Variants in TENM1 observed in about 807,000 individuals in gnomAD.
TENM1 encodes teneurin transmembrane protein 1, also known as teneurin-1.
In TENM1, 35 loss-of-function variants were observed where a neutral mutation model predicts 174.8. That is an observed-to-expected ratio of 0.20 (90% CI 0.15 to 0.27). The LOEUF is 0.27. TENM1 is among the 10% of genes least tolerant of loss of function. The pLI, the probability that TENM1 is intolerant of heterozygous loss-of-function variation, is 1.00. For missense variants in TENM1, 1,633 were observed against 2,130.1 expected, an observed-to-expected ratio of 0.77 and a Z score of 4.59; for synonymous variants, 781 against 798.7, an observed-to-expected ratio of 0.98 and a Z score of 0.37.
At chrX:124,627,926 C>T (rs2050673802) in intron 11 of TENM1, among the ~76,000 whole-genome samples, 1 of 111,515 alleles carries the variant, frequency 9.0e-6, no homozygotes, top group South Asian at 3.8e-4. Flanking sequence ...AACAGGTTAT[C>T]GTTAGGTATT....
At chrX:125,053,534 ATGG>A in the TENM1 span, among the ~76,000 whole-genome samples, 3 of 112,217 alleles carry the variant, frequency 2.7e-5, no homozygotes, top group East Asian at 8.5e-4. Context: ...GGAAAAGGAA[ATGG>A]AGGTACACTG....
chrX:125,139,675 C>T, the TENM1 span, among the ~76,000 whole-genome samples: 1 of 110,902 alleles, frequency 9.0e-6, no homozygotes, highest in African/African-American at 3.3e-5. Context: ...TGGAATAATG[C>T]ATACTAGAAT....
At chrX:124,899,077 C>T (rs2057612779) in intron 1 of TENM1, among the ~76,000 whole-genome samples, 1 of 111,111 alleles carries the variant, frequency 9.0e-6, no homozygotes, top group Non-Finnish European at 1.9e-5. Context: ...TCAATGTCAC[C>T]ATTGTAAAAT....
intron 11 of TENM1, among the ~76,000 whole-genome samples, chrX:124,629,568 T>G (rs1404334992): frequency 1.8e-5 from 2 of 112,629 alleles, no homozygotes; most frequent in Non-Finnish European, 1.9e-5. Context: ...AGCATCATGC[T>G]ATGTGTTGCA....
At chrX:125,098,690 C>T in the TENM1 span, among the ~76,000 whole-genome samples, 23 of 111,756 alleles carry the variant, frequency 2.1e-4, no homozygotes, top group Non-Finnish European at 3.6e-4. Flanking sequence ...GCTTAAGTTG[C>T]GGGCTTGTTC....
chrX:125,077,247 A>C, the TENM1 span, among the ~76,000 whole-genome samples: 1 of 111,397 alleles, frequency 9.0e-6, no homozygotes, highest in Non-Finnish European at 1.9e-5. Flanking sequence ...GTACTAAGGA[A>C]CCTAAACTAG....
At chrX:124,592,487 GT>G (rs1185305514) in intron 11 of TENM1, among the ~76,000 whole-genome samples, 2 of 102,321 alleles carry the variant, frequency 2.0e-5, no homozygotes, top group Non-Finnish European at 3.9e-5. Flanking sequence ...CCAGGCTAGA[GT>G]GTAGTAGTAC....
chrX:125,144,156 G>A, the TENM1 span, among the ~76,000 whole-genome samples: 1 of 111,306 alleles, frequency 9.0e-6, no homozygotes, highest in African/African-American at 3.3e-5. Context: ...TGAATCCAAA[G>A]AGATGGCTCA....
At chrX:124,527,580 C>T (rs191231414) in intron 16 of TENM1, among the ~76,000 whole-genome samples, 9 of 110,020 alleles carry the variant, frequency 8.2e-5, no homozygotes, top group Non-Finnish European at 1.5e-4. Flanking sequence ...ATCACACTCT[C>T]TACTAGGTAT....
chrX:124,747,022 C>T (rs767607467), intron 3 of TENM1, among the ~76,000 whole-genome samples: 5 of 109,543 alleles, frequency 4.6e-5, no homozygotes, highest in African/African-American at 1.0e-4. Context: ...CATAGTGGCA[C>T]GTTCCTGTAG....
the TENM1 span, among the ~76,000 whole-genome samples, chrX:125,097,407 A>G: frequency 2.7e-5 from 3 of 111,763 alleles, no homozygotes; most frequent in Admixed American, 9.5e-5. Flanking sequence ...CTTTTTTTCA[A>G]CTGAGGTGCA....
At chrX:125,070,104 T>A in the TENM1 span, among the ~76,000 whole-genome samples, 152 of 109,424 alleles carry the variant, frequency 1.4e-3, 1 homozygote, top group African/African-American at 3.8e-3. Context: ...GGAGGGAGGA[T>A]CACTTGAGCT....
At chrX:124,699,184 G>A (rs1002514449) in intron 5 of TENM1, among the ~76,000 whole-genome samples, 6 of 111,303 alleles carry the variant, frequency 5.4e-5, no homozygotes, top group Non-Finnish European at 3.8e-5. Context: ...TTATGAAATA[G>A]AATTCAAGTT....
rs369307165 is a variant in TENM1, at chrX:124,899,164, G to A, written c.218-2923C>T. On this transcript the variant is annotated intron_variant, in intron 1 of 31. Coordinates refer to ENST00000422452, the Ensembl canonical transcript of TENM1. ...GCATTATCTATAAAGCACTTACAAC[G>A]CACCACAAGTAGTTGTTTTCTAGCC... Among the ~76,000 whole-genome samples, 25 of 110,917 alleles carry A rather than the reference G, an allele frequency of 2.3e-4. No individual in the cohort carries two copies. The East Asian group carries it at 4.0e-3, about 18-fold the overall frequency.
chrX:124,872,196 G>A (rs1173667921), intron 3 of TENM1, among the ~76,000 whole-genome samples: 2 of 110,614 alleles, frequency 1.8e-5, no homozygotes, highest in East Asian at 5.7e-4. Context: ...TATGACCTTA[G>A]TTTTATACTA....
At chrX:124,563,420 AT>A (rs1439798506) in intron 13 of TENM1, among the ~76,000 whole-genome samples, 1 of 108,874 alleles carries the variant, frequency 9.2e-6, no homozygotes, top group Non-Finnish European at 1.9e-5. Flanking sequence ...ATTATTAAAA[AT>A]TATTTAATAA....
intron 3 of TENM1, among the ~76,000 whole-genome samples, chrX:124,880,546 A>G (rs1407184795): frequency 3.6e-5 from 4 of 111,733 alleles, no homozygotes; most frequent in Non-Finnish European, 7.5e-5. Flanking sequence ...TCTGGCTAGG[A>G]CTTCCAGTAC....
chrX:124,591,263 C>A (rs970453660), intron 11 of TENM1, among the ~76,000 whole-genome samples: 1 of 111,272 alleles, frequency 9.0e-6, no homozygotes, highest in Non-Finnish European at 1.9e-5. Flanking sequence ...AGGTTTTGAT[C>A]CTATCCTGAA....
chrX:124,901,014 A>G (rs955690352), intron 1 of TENM1, among the ~76,000 whole-genome samples: 2 of 109,306 alleles, frequency 1.8e-5, no homozygotes, highest in Non-Finnish European at 3.8e-5. Flanking sequence ...CTGGTCTCGA[A>G]CTCCTGACCT....
Sources: allele counts gnomAD v4.1 joint callset (sites outside exome capture counted in the v4.1 genomes callset), GRCh38; gene constraint gnomAD v4.1.1; transcripts MANE v1.5; gene names NCBI Gene and HGNC (gene_info 2026-07-23, HGNC 2026-07-21).